Variants in VAV1 observed in about 807,000 individuals in gnomAD.
VAV1 encodes proto-oncogene vav.
In VAV1, 33 loss-of-function variants were observed where a neutral mutation model predicts 128.1. That is an observed-to-expected ratio of 0.26 (90% CI 0.20 to 0.34). The LOEUF is 0.34. Ranked by LOEUF, VAV1 falls within the 10% of genes least tolerant of loss-of-function variation. VAV1 has a pLI of 1.00. For synonymous variants in VAV1, 394 were observed against 409.8 expected (o/e 0.96, Z 0.47); for missense variants, 715 against 1,093.7 (o/e 0.65, Z 4.88).
In VAV1 at chr19:6,850,021, C is replaced by T. The variant is rs146290324; in HGVS notation, c.2130-649C>T. 4.3e-4 allele frequency among the ~76,000 whole-genome samples: 65 copies of T among 152,056 alleles called. 1 individual carries two copies. The highest frequency in any genetic ancestry group is 4.2e-4 in the South Asian group (2 of 4,814). On this transcript the variant is annotated intron_variant, in intron 23 of 26. Coordinates refer to ENST00000602142, the MANE Select transcript of VAV1 (RefSeq NM_005428.4). ...TTCGAGAAACCTCCAAACTGCTTTC[C>T]GCAGTGGCTGAACCAATTTACAGTC...
Position 6,828,495 on chromosome 19 carries a change from G to A in VAV1, c.1092+8G>A. 6.2e-7 allele frequency: 1 copy of A among 1,614,158 alleles called. No homozygotes were observed. Among genetic ancestry groups the A allele is most frequent in the Non-Finnish European group, 8.5e-7 (1 of 1,180,018 alleles). ...GCCCTGGATGCCATGAGGGTGAGTG[G>A]GTGTAGGGTGCTGGTGACTCACCTG... is the stretch of plus-strand genomic sequence containing the variant. On this transcript the variant is annotated splice_region_variant and intron_variant, in intron 11 of 26. Coordinates refer to ENST00000602142, the MANE Select transcript of VAV1 (RefSeq NM_005428.4). The surrounding 1 kb of genome is among the most constrained non-coding windows in gnomAD (Gnocchi z 4.5).
intron 26 of VAV1, 114 bp downstream of exon 26, chr19:6,854,212 C>T (rs8108918): frequency 0.29 from 396,654 of 1,367,932 alleles, 62,444 homozygotes; most frequent in African/African-American, 0.62. Context: ...AGATCTCTCA[C>T]GGTGGGAGGG....
At chr19:6,824,775 C>A (rs952432740) in intron 6 of VAV1, among the ~76,000 whole-genome samples, 1 of 152,114 alleles carries the variant, frequency 6.6e-6, no homozygotes, top group Non-Finnish European at 1.5e-5. Flanking sequence ...CGTGATCCAC[C>A]CACCTCAGGC....
chr19:6,818,742 C>T (rs907172449), intron 1 of VAV1, among the ~76,000 whole-genome samples: 2 of 152,066 alleles, frequency 1.3e-5, no homozygotes, highest in Non-Finnish European at 2.9e-5. Flanking sequence ...AGGGCAAGAC[C>T]ACGTCACAGT....
intron 1 of VAV1, 148 bp downstream of exon 1, chr19:6,773,159 G>A (rs897449091): frequency 1.4e-5 from 15 of 1,103,538 alleles, no homozygotes; most frequent in Admixed American, 4.7e-5. Flanking sequence ...CCAGGGGGTG[G>A]TCACAATCTG....
intron 1 of VAV1, among the ~76,000 whole-genome samples, chr19:6,815,244 C>T (rs142733315): frequency 0.022 from 3,294 of 152,144 alleles, 45 homozygotes; most frequent in East Asian, 0.03. Context: ...ACCTCCTGGC[C>T]TCAAGTGATC....
At position 6,826,538 on chromosome 19, in the gene VAV1, C is replaced by A; in HGVS notation, c.828-74C>A. The A allele has an allele frequency of 8.5e-7, 1 of 1,175,170 alleles. No individual in the cohort carries two copies. Among genetic ancestry groups the A allele is most frequent in the Non-Finnish European group, 1.2e-6 (1 of 810,482 alleles). 72.8% of individuals were successfully genotyped at this position (1,175,170 alleles called of 1,614,324 possible). On this transcript the variant is annotated intron_variant, in intron 8 of 26. Transcript: ENST00000602142. The surrounding 1 kb of genome is among the most constrained non-coding windows in gnomAD (Gnocchi z 4.1). ...TCTTCTCCAGCGGGGAAGAGCAAGGCCAGGGCTGACGCCAGCCTCTGCCCG... is the reference window on the plus strand; with the variant it reads ...TCTTCTCCAGCGGGGAAGAGCAAGGACAGGGCTGACGCCAGCCTCTGCCCG...
chr19:6,815,348 C>T (rs553613039), intron 1 of VAV1, among the ~76,000 whole-genome samples: 1 of 152,122 alleles, frequency 6.6e-6, no homozygotes, highest in South Asian at 2.1e-4. Flanking sequence ...CTCCGTGTTG[C>T]TCAGGCTGGT....
At chr19:6,798,669 A>AC (rs1476432729) in intron 1 of VAV1, among the ~76,000 whole-genome samples, 3 of 132,802 alleles carry the variant, frequency 2.3e-5, no homozygotes, top group Non-Finnish European at 4.8e-5. Flanking sequence ...TCCCCCCCCC[A>AC]CCCAAAAGAA....
intron 24 of VAV1, 126 bp from the exon 25 acceptor site, chr19:6,852,839 T>A (rs1273018683): frequency 1.5e-6 from 1 of 649,564 alleles, no homozygotes; most frequent in African/African-American, 1.8e-5. Flanking sequence ...ATTCAAGGGG[T>A]CACTTTCCAA....
At chr19:6,855,815 A>G (rs1156345744) in intron 26 of VAV1, among the ~76,000 whole-genome samples, 2 of 140,520 alleles carry the variant, frequency 1.4e-5, no homozygotes, top group Non-Finnish European at 3.0e-5. Flanking sequence ...CTATCTATCT[A>G]TCTATCTATC....
At chr19:6,840,873 G>A (rs1488843111) in intron 21 of VAV1, among the ~76,000 whole-genome samples, 5 of 151,748 alleles carry the variant, frequency 3.3e-5, no homozygotes, top group African/African-American at 9.7e-5. Flanking sequence ...TCAGCCTCCC[G>A]GGTTCAAGTG....
chr19:6,855,684 T>C lies in VAV1; in HGVS notation c.2485-1370T>C, dbSNP rs182766201. Reference sequence around the variant, plus strand: ...GCACCCATCTGTTAATCTATCTCTATATTTATCCATCCATACACCTACTCA... The same window carrying C: ...GCACCCATCTGTTAATCTATCTCTACATTTATCCATCCATACACCTACTCA... On this transcript the variant is annotated intron_variant, in intron 26 of 26. Coordinates refer to ENST00000602142, the MANE Select transcript of VAV1 (RefSeq NM_005428.4). Among the ~76,000 whole-genome samples the C allele has an allele frequency of 2.3e-4, 35 of 152,140 alleles. 1 individual carries two copies. The East Asian group carries it at 6.2e-3, about 27-fold the overall frequency.
chr19:6,836,163 C>T (rs955367257), intron 19 of VAV1: 8 of 322,582 alleles, frequency 2.5e-5, no homozygotes, highest in Admixed American at 4.3e-5. Flanking sequence ...CATGAGCCAC[C>T]GTGCCCAGCC....
chr19:6,830,506 C>A (rs1468846367), intron 14 of VAV1, among the ~76,000 whole-genome samples: 3 of 151,924 alleles, frequency 2.0e-5, no homozygotes, highest in Non-Finnish European at 4.4e-5. Flanking sequence ...GTGGCACGGT[C>A]TTGGCTCACT....
chr19:6,832,024 T>C (rs1308125930), intron 14 of VAV1, 67 bp from the exon 15 acceptor site: 1 of 1,137,850 alleles, frequency 8.8e-7, no homozygotes, highest in Non-Finnish European at 1.2e-6. Context: ...GAGGGAGGGG[T>C]GGGTGGGTGT....
intron 1 of VAV1, among the ~76,000 whole-genome samples, chr19:6,797,784 TAA>T (rs1735606157): frequency 6.7e-6 from 1 of 149,746 alleles, no homozygotes; most frequent in Non-Finnish European, 1.5e-5. Flanking sequence ...AAAATATGAC[TAA>T]GACTGTATTT....
intron 1 of VAV1, among the ~76,000 whole-genome samples, chr19:6,785,024 T>C (rs1439650971): frequency 6.6e-6 from 1 of 152,174 alleles, no homozygotes; most frequent in Non-Finnish European, 1.5e-5. Context: ...TCTCTACCCA[T>C]TGCTCTCTGC....
intron 1 of VAV1, among the ~76,000 whole-genome samples, chr19:6,775,176 C>A (rs1458993930): frequency 6.6e-6 from 1 of 152,146 alleles, no homozygotes; most frequent in African/African-American, 2.4e-5. Flanking sequence ...CTGGCCACAG[C>A]CCATCCCAGC....
Sources: gnomAD v4.1 joint callset for allele counts (sites outside exome capture counted in the v4.1 genomes callset) on GRCh38, gnomAD v4.1.1 for gene constraint, Gnocchi (gnomAD v3.1) non-coding constraint, MANE v1.5 for transcripts, NCBI Gene and HGNC (gene_info 2026-07-23, HGNC 2026-07-21) for gene names.